The following SCLT1 variants were observed in gnomAD, a reference collection of about 807,000 sequenced individuals.
SCLT1 encodes sodium channel and clathrin linker 1.
In SCLT1, 78 loss-of-function variants were observed where a neutral mutation model predicts 112.8. The observed-to-expected ratio is 0.69, with a 90% CI of 0.58 to 0.83. The LOEUF is 0.83. SCLT1 is among the 40% of genes least tolerant of loss of function. SCLT1 has a pLI of 0.00. For synonymous variants in SCLT1, 257 were observed against 254.7 expected (o/e 1.01, Z -0.09); for missense variants, 747 against 770.4 (o/e 0.97, Z 0.36).
intron 13 of SCLT1, among the ~76,000 whole-genome samples, chr4:128,953,661 T>C (rs571077562): frequency 6.6e-6 from 1 of 151,622 alleles, no homozygotes; most frequent in African/African-American, 2.4e-5. Context: ...TAGCCGGGCA[T>C]GGTGGCAGGC....
chr4:128,914,928 T>G (rs1676247354), intron 18 of SCLT1, among the ~76,000 whole-genome samples: 1 of 152,116 alleles, frequency 6.6e-6, no homozygotes, highest in Non-Finnish European at 1.5e-5. Context: ...CACAACTCAT[T>G]CTAGTAAACT....
rs59881966 is a variant in SCLT1, at chr4:129,007,151, C to CT, written c.291-3276dup. Among the ~76,000 whole-genome samples the CT allele has an allele frequency of 3.3e-3, 504 of 150,948 alleles. 3 individuals carry two copies. Among genetic ancestry groups the CT allele is most frequent in the African/African-American group, 0.011 (465 of 41,184 alleles). On this transcript the variant is annotated intron_variant, in intron 5 of 20. Coordinates refer to ENST00000281142, the MANE Select transcript of SCLT1 (RefSeq NM_144643.4). Reference sequence around the variant, plus strand: ...CAATCCTTTTATAATCTGAGAGTTGCTTTTTTTTTGAGTTGGTCAATTTCA... The same window carrying CT: ...CAATCCTTTTATAATCTGAGAGTTGCTTTTTTTTTTGAGTTGGTCAATTTCA...
chr4:129,007,448 A>G (rs544550514), intron 5 of SCLT1, among the ~76,000 whole-genome samples: 8 of 152,238 alleles, frequency 5.3e-5, no homozygotes, highest in Admixed American at 2.0e-4. Flanking sequence ...CAGAACTGTC[A>G]TATCTTTTGG....
chr4:128,949,575 T>C lies in SCLT1; in HGVS notation c.1219-1005A>G, dbSNP rs189868238. Among the ~76,000 whole-genome samples the C allele has an allele frequency of 4.6e-4, 70 of 152,196 alleles. 1 individual carries two copies. The East Asian group carries it at 0.013, about 29-fold the overall frequency. ...CCCTGGTGTGTGATGTTCCCCTTCC[T>C]GTGTCCATGTGTTCTCATTGTTCGA... On this transcript the variant is annotated intron_variant, in intron 14 of 20. Coordinates refer to ENST00000281142, the MANE Select transcript of SCLT1 (RefSeq NM_144643.4).
At chr4:128,919,876 A>G (rs1735749267) in intron 18 of SCLT1, among the ~76,000 whole-genome samples, 1 of 152,058 alleles carries the variant, frequency 6.6e-6, no homozygotes, top group Admixed American at 6.6e-5. Context: ...GAACAAACCA[A>G]TAGTGAGTTC....
chr4:129,054,971 T>C (rs1166177604), intron 2 of SCLT1, among the ~76,000 whole-genome samples: 1 of 152,216 alleles, frequency 6.6e-6, no homozygotes, highest in Non-Finnish European at 1.5e-5. Flanking sequence ...TTGATGTTGA[T>C]GTTACTGGTT....
chr4:129,040,854 C>T (rs968598928), intron 4 of SCLT1, among the ~76,000 whole-genome samples: 2 of 151,676 alleles, frequency 1.3e-5, no homozygotes, highest in Non-Finnish European at 2.9e-5. Context: ...ATTTTTTTTT[C>T]TCTAAAAGAA....
At chr4:129,022,513 T>C (rs779447929) in intron 5 of SCLT1, among the ~76,000 whole-genome samples, 1 of 152,092 alleles carries the variant, frequency 6.6e-6, no homozygotes, top group Non-Finnish European at 1.5e-5. Flanking sequence ...AAAGTATCAA[T>C]AGCCAAATCG....
chr4:129,091,635 TGTGTCATTATA>T (rs1483791842), intron 1 of SCLT1, among the ~76,000 whole-genome samples: 5 of 152,282 alleles, frequency 3.3e-5, no homozygotes, highest in African/African-American at 1.2e-4. Flanking sequence ...CTAATGTTAT[TGTGTCATTATA>T]GTGTCATTAA....
chr4:129,070,400 T>G (rs1389535382), intron 2 of SCLT1, among the ~76,000 whole-genome samples: 1 of 152,052 alleles, frequency 6.6e-6, no homozygotes, highest in East Asian at 1.9e-4. Flanking sequence ...CTTTTTTTTT[T>G]GTTGGTAATT....
chr4:128,924,578 TTTTAA>T (rs574206289), intron 18 of SCLT1, among the ~76,000 whole-genome samples: 281 of 152,312 alleles, frequency 1.8e-3, no homozygotes, highest in Middle Eastern at 0.01. Flanking sequence ...GGCCAGAAGT[TTTTAA>T]TTTAATATAG....
At chr4:128,911,224 C>T (rs962814379) in intron 18 of SCLT1, among the ~76,000 whole-genome samples, 1 of 152,138 alleles carries the variant, frequency 6.6e-6, no homozygotes, top group Non-Finnish European at 1.5e-5. Flanking sequence ...CAAGGTTGTG[C>T]CATTGCACTC....
chr4:129,005,796 G>C (rs1392582629), intron 5 of SCLT1, among the ~76,000 whole-genome samples: 6 of 150,304 alleles, frequency 4.0e-5, no homozygotes, highest in Admixed American at 2.0e-4. Context: ...ACTGGATTAA[G>C]AAAATGTGGC....
At chr4:129,008,259 T>C (rs1386889905) in intron 5 of SCLT1, among the ~76,000 whole-genome samples, 1 of 152,236 alleles carries the variant, frequency 6.6e-6, no homozygotes, top group Non-Finnish European at 1.5e-5. Context: ...AATGTACTTA[T>C]TTAACCCTCC....
chr4:129,059,583 GAA>G (rs1029594603), intron 2 of SCLT1, among the ~76,000 whole-genome samples: 1 of 152,120 alleles, frequency 6.6e-6, no homozygotes, highest in Admixed American at 6.6e-5. Flanking sequence ...TTTGTCTGGG[GAA>G]AACTCTTTCT....
rs191749411 is a variant in SCLT1, at chr4:128,942,824, C to T, written c.1632+172G>A. 5.7e-4 allele frequency among the ~76,000 whole-genome samples: 87 copies of T among 152,064 alleles called. 1 individual carries two copies. The highest frequency in any genetic ancestry group is 1.3e-4 in the Non-Finnish European group (9 of 67,954). ...AGGCAATCATTTTCAAGTATGCCTG[C>T]CAAGTTCTACAACACAGAAATGATT... On this transcript the variant is annotated intron_variant, in intron 17 of 20. Coordinates refer to ENST00000281142, the MANE Select transcript of SCLT1 (RefSeq NM_144643.4).
intron 5 of SCLT1, among the ~76,000 whole-genome samples, chr4:129,012,722 T>C (rs1744641821): frequency 1.3e-5 from 2 of 152,178 alleles, no homozygotes; most frequent in South Asian, 4.1e-4. Flanking sequence ...TACATATATA[T>C]TTAGGATAGT....
intron 5 of SCLT1, among the ~76,000 whole-genome samples, chr4:129,022,207 G>T (rs918313648): frequency 7.9e-5 from 12 of 152,162 alleles, no homozygotes; most frequent in African/African-American, 2.7e-4. Flanking sequence ...CAAAAACGCA[G>T]AAAATTCCAA....
chr4:129,092,246 TGC>T, intron 1 of SCLT1, among the ~76,000 whole-genome samples: 1 of 152,288 alleles, frequency 6.6e-6, no homozygotes, highest in South Asian at 2.1e-4. Flanking sequence ...CAACTGCACT[TGC>T]CATTTCCCTA....
Sources: gnomAD v4.1 joint callset for allele counts (sites outside exome capture counted in the v4.1 genomes callset) on GRCh38, gnomAD v4.1.1 for gene constraint, MANE v1.5 for transcripts, NCBI Gene and HGNC (gene_info 2026-07-23, HGNC 2026-07-21) for gene names.